Variants in PTPRK observed in about 807,000 individuals in gnomAD.
PTPRK encodes protein tyrosine phosphatase receptor type K, also known as receptor-type tyrosine-protein phosphatase kappa.
A neutral mutation model predicts 178.0 loss-of-function variants in PTPRK; 75 were observed. The observed-to-expected ratio is 0.42, with a 90% confidence interval of 0.35 to 0.51. The LOEUF (loss-of-function observed/expected upper bound fraction) is 0.51, where lower values mean the gene tolerates loss of function less well. Ranked by LOEUF, PTPRK falls within the 20% of genes least tolerant of loss-of-function variation. The pLI, the probability that PTPRK is intolerant of heterozygous loss-of-function variation, is 0.02. For missense variants in PTPRK, 1,441 were observed against 1,797.8 expected, an observed-to-expected ratio of 0.80 and a Z score of 3.59; for synonymous variants, 637 against 620.6, an observed-to-expected ratio of 1.03 and a Z score of -0.39.
At chr6:128,174,249 A>G (rs1800721779) in intron 7 of PTPRK, among the ~76,000 whole-genome samples, 1 of 152,012 alleles carries the variant, frequency 6.6e-6, no homozygotes, top group Non-Finnish European at 1.5e-5. Flanking sequence ...AGTCATCTCC[A>G]TTGATGTGAA....
At chr6:128,231,148 T>C (rs969755361) in intron 5 of PTPRK, among the ~76,000 whole-genome samples, 1 of 152,162 alleles carries the variant, frequency 6.6e-6, no homozygotes, top group African/African-American at 2.4e-5. Flanking sequence ...AGAAAAACCT[T>C]ATAATCCATG....
chr6:128,402,016 A>C (rs1234488494), intron 1 of PTPRK, among the ~76,000 whole-genome samples: 1 of 152,206 alleles, frequency 6.6e-6, no homozygotes, highest in Admixed American at 6.5e-5. Flanking sequence ...GGACACATGC[A>C]ATACTGAGTT....
intron 13 of PTPRK, among the ~76,000 whole-genome samples, chr6:128,038,139 C>T (rs955793574): frequency 1.3e-5 from 2 of 152,098 alleles, no homozygotes; most frequent in Non-Finnish European, 2.9e-5. Context: ...TGGTAATACG[C>T]ATATTTATCT....
At chr6:128,132,551 C>A (rs1794414513) in intron 7 of PTPRK, among the ~76,000 whole-genome samples, 1 of 152,242 alleles carries the variant, frequency 6.6e-6, no homozygotes, top group South Asian at 2.1e-4. Context: ...CCCACCGGGG[C>A]CCACACTAGA....
intron 4 of PTPRK, among the ~76,000 whole-genome samples, chr6:128,241,557 A>C (rs938101395): frequency 7.2e-5 from 11 of 152,202 alleles, no homozygotes; most frequent in African/African-American, 2.4e-4. Context: ...ATAACCCAGA[A>C]TTCACGGGCC....
chr6:128,270,428 G>A (rs902427433), intron 3 of PTPRK, among the ~76,000 whole-genome samples: 1 of 152,090 alleles, frequency 6.6e-6, no homozygotes, highest in South Asian at 2.1e-4. Context: ...ATTTAACTGA[G>A]TTCTACTGGC....
intron 7 of PTPRK, among the ~76,000 whole-genome samples, chr6:128,106,157 C>T (rs556335959): frequency 4.7e-4 from 72 of 151,874 alleles, no homozygotes; most frequent in African/African-American, 1.6e-3. Flanking sequence ...AAATAAGATG[C>T]GATAATAGAA....
At position 128,471,414 on chromosome 6, in the gene PTPRK, G is replaced by T. The variant is rs867327363; in HGVS notation, c.100+48845C>A. On this transcript the variant is annotated intron_variant, in intron 1 of 29. Coordinates refer to ENST00000368226, the MANE Select transcript of PTPRK (RefSeq NM_002844.4). The stretch of plus-strand genomic sequence containing the variant: ...AGATTCTAGCTATTAGGGAAGATGA[G>T]AAGAAAAGGCTCAGACAATCCTGTT... Among the ~76,000 whole-genome samples, 10 of 151,800 alleles carry T rather than the reference G, an allele frequency of 6.6e-5. 2 individuals carry two copies. In the Middle Eastern group the frequency reaches 0.024, roughly 361 times the overall value.
intron 7 of PTPRK, among the ~76,000 whole-genome samples, chr6:128,183,522 T>C (rs945838230): frequency 7.2e-5 from 11 of 152,144 alleles, no homozygotes; most frequent in African/African-American, 2.7e-4. Context: ...TATATAAATA[T>C]GATGCTGGAC....
intron 1 of PTPRK, 118 bp from the exon 2 acceptor site, chr6:128,397,806 A>C: frequency 1.1e-6 from 1 of 939,184 alleles, no homozygotes; most frequent in Non-Finnish European, 1.6e-6. Context: ...TTAATAATAA[A>C]TGGTACTCCT....
intron 6 of PTPRK, among the ~76,000 whole-genome samples, chr6:128,192,821 A>AGAGGG (rs1804053745): frequency 7.1e-6 from 1 of 141,650 alleles, no homozygotes; most frequent in African/African-American, 2.7e-5. Context: ...TATATCAGAA[A>AGAGGG]AAGGGAAGGG....
chr6:128,337,709 A>G (rs2128329110), intron 2 of PTPRK, among the ~76,000 whole-genome samples: 1 of 152,342 alleles, frequency 6.6e-6, no homozygotes. Flanking sequence ...GAGTAATCAA[A>G]GCAACAACAA....
At chr6:128,436,622 G>A (rs1391388832) in intron 1 of PTPRK, among the ~76,000 whole-genome samples, 1 of 151,700 alleles carries the variant, frequency 6.6e-6, no homozygotes, top group East Asian at 1.9e-4. Flanking sequence ...AAAATGATAT[G>A]CTGAGAACTT....
chr6:128,369,035 T>C (rs1014616312), intron 2 of PTPRK, among the ~76,000 whole-genome samples: 35 of 152,124 alleles, frequency 2.3e-4, no homozygotes, highest in African/African-American at 8.0e-4. Context: ...CACGTTCTTT[T>C]AAAGAGCCTT....
intron 7 of PTPRK, among the ~76,000 whole-genome samples, chr6:128,112,568 A>T (rs1183101350): frequency 6.6e-6 from 1 of 152,112 alleles, no homozygotes; most frequent in Non-Finnish European, 1.5e-5. Context: ...AGGAAACATA[A>T]ATCTAAGTGT....
chr6:128,239,125 G>GTTT lies in PTPRK; in HGVS notation c.693+907_693+909dup, dbSNP rs71833785. The stretch of plus-strand genomic sequence containing the variant: ...ATGTTGAAGAAATTAAACTCATCTT[G>GTTT]TTTTTTTTTTTTTTTTTTTGGTCTC... On this transcript the variant is annotated intron_variant, in intron 5 of 29. Coordinates refer to ENST00000368226, the MANE Select transcript of PTPRK (RefSeq NM_002844.4). Among the ~76,000 whole-genome samples the GTTT allele has an allele frequency of 1.6e-3, 160 of 98,746 alleles. 4 individuals are homozygous for GTTT. Among genetic ancestry groups the GTTT allele is most frequent in the African/African-American group, 4.8e-3 (151 of 31,222 alleles). The allele number at this position is 98,746 out of a possible 152,430, so 64.8% of individuals were successfully genotyped here.
In PTPRK at chr6:128,010,393, C is replaced by T. The variant is rs114476170; in HGVS notation, c.2195-1125G>A. Among the ~76,000 whole-genome samples, 1,238 of 151,294 alleles carry T rather than the reference C, an allele frequency of 8.2e-3. 20 individuals are homozygous for T. Among genetic ancestry groups the T allele is most frequent in the African/African-American group, 0.028 (1,163 of 41,398 alleles). The stretch of plus-strand genomic sequence containing the variant: ...AGAAATCTCTAAACCTAACCTCATG[C>T]CTTTCCAGTGGACAATCTGTTAATC... On this transcript the variant is annotated intron_variant, in intron 13 of 29. Coordinates refer to ENST00000368226, the MANE Select transcript of PTPRK (RefSeq NM_002844.4).
intron 3 of PTPRK, among the ~76,000 whole-genome samples, chr6:128,252,122 T>A (rs995396129): frequency 6.6e-6 from 1 of 152,138 alleles, no homozygotes; most frequent in Non-Finnish European, 1.5e-5. Context: ...CATACAAAAG[T>A]AGCCTGTATG....
At chr6:128,145,677 AG>A (rs952676402) in intron 7 of PTPRK, among the ~76,000 whole-genome samples, 1 of 149,142 alleles carries the variant, frequency 6.7e-6, no homozygotes, top group African/African-American at 2.6e-5. Flanking sequence ...TGATCAAAAA[AG>A]ATTACTTACT....
Sources: allele counts gnomAD v4.1 joint callset (sites outside exome capture counted in the v4.1 genomes callset), GRCh38; gene constraint gnomAD v4.1.1; transcripts MANE v1.5; gene names NCBI Gene and HGNC (gene_info 2026-07-23, HGNC 2026-07-21).